Variants in TRRAP observed in about 807,000 individuals in gnomAD.
TRRAP encodes the protein transformation/transcription domain associated protein, also known as transformation/transcription domain-associated protein.
Under a neutral mutation model 438.8 loss-of-function variants are expected in TRRAP, and 41 were observed. That is an observed-to-expected ratio of 0.09 (90% CI 0.07 to 0.12). The LOEUF is 0.12. Among genes scored for constraint, TRRAP ranks in the 10% least tolerant of loss-of-function variants. TRRAP has a pLI of 1.00. For synonymous variants in TRRAP, 1,994 were observed against 1,962.9 expected, an observed-to-expected ratio of 1.02 and a Z score of -0.42; for missense variants, 3,122 against 5,055.1, an observed-to-expected ratio of 0.62 and a Z score of 11.60.
intron 30 of TRRAP, among the ~76,000 whole-genome samples, chr7:98,942,141 G>A (rs1446649013): frequency 6.6e-6 from 1 of 152,202 alleles, no homozygotes; most frequent in Non-Finnish European, 1.5e-5. Context: ...TGGCTACCAG[G>A]TGCCTGGGTT....
At chr7:98,980,406 T>C (rs950193625) in intron 58 of TRRAP, among the ~76,000 whole-genome samples, 1 of 152,182 alleles carries the variant, frequency 6.6e-6, no homozygotes, top group African/African-American at 2.4e-5. Context: ...TTTGAAAACT[T>C]TCATGAAAAA....
Position 98,949,534 on chromosome 7 carries a change from C to CCCAGCA in TRRAP, c.4916_4921dup (p.Ser1639_Thr1640dup), listed in dbSNP as rs782137438. 1.5e-5 allele frequency: 24 copies of CCCAGCA among 1,602,908 alleles called. No individual in the cohort carries two copies. The highest frequency in any genetic ancestry group is 1.7e-4 in the Middle Eastern group (1 of 6,026). ...CCAGACGGCTGTGCGCCCCGGTTCG[C>CCCAGCA]CCAGCACCAGCACCATGCGCCTGGA... On this transcript the variant is annotated inframe_insertion, in exon 36 of 73. Coordinates refer to ENST00000456197, the MANE Select transcript of TRRAP (RefSeq NM_001375524.1).
At position 98,976,321 on chromosome 7, in the gene TRRAP, T is replaced by G; in HGVS notation, c.7959+53T>G. The stretch of plus-strand genomic sequence containing the variant: ...GGAAAATTGTAGTTTTAGCTTTTGG[T>G]AAGTATTCATAAAAGAACACAGTCT... On this transcript the variant is annotated intron_variant, in intron 54 of 72. Coordinates refer to ENST00000456197, the MANE Select transcript of TRRAP (RefSeq NM_001375524.1). The surrounding 1 kb of genome is among the most constrained non-coding windows in gnomAD (Gnocchi z 4.6). 6.2e-7 allele frequency: 1 copy of G among 1,604,922 alleles called. No individual in the cohort carries two copies. The highest frequency in any genetic ancestry group is 8.5e-7 in the Non-Finnish European group (1 of 1,175,734).
In TRRAP at chr7:98,917,576, C is replaced by T. The variant is rs1789567583; in HGVS notation, c.2519C>T (p.Thr840Ile). The change falls in exon 20 of 73, where the codon ACA (threonine) becomes ATA (isoleucine). Residue 840 changes from threonine to isoleucine, a missense_variant. By Grantham distance (89) the Thr-to-Ile change is moderately conservative. Coordinates refer to ENST00000456197, the MANE Select transcript of TRRAP (RefSeq NM_001375524.1). ...GTGTCTGCACTCAATGGGTCTCAGACATTGGTCAGCCAAGGCCTCAGGACG... is the reference window on the plus strand; with the variant it reads ...GTGTCTGCACTCAATGGGTCTCAGATATTGGTCAGCCAAGGCCTCAGGACG... ...PLVSALNGSQTLVSQGLRTLE... is the reference protein window; with the variant it reads ...PLVSALNGSQILVSQGLRTLE... 1 of 1,614,100 alleles carries T rather than the reference C, an allele frequency of 6.2e-7. No individual in the cohort carries two copies. Among genetic ancestry groups the T allele is most frequent in the African/African-American group, 1.3e-5 (1 of 74,936 alleles).
chr7:98,970,049 G>C, intron 51 of TRRAP, 63 bp from the exon 52 acceptor site: 1 of 1,568,760 alleles, frequency 6.4e-7, no homozygotes, highest in Non-Finnish European at 8.7e-7. Flanking sequence ...TGGGAGAGAA[G>C]TCCAGATGCC....
chr7:98,927,420 G>T (rs1386466364), intron 23 of TRRAP, 54 bp downstream of exon 23: 7 of 1,577,034 alleles, frequency 4.4e-6, no homozygotes, highest in South Asian at 1.1e-5. Context: ...TTTTATAGGT[G>T]CTTTAAAAAC....
Position 98,993,531 on chromosome 7 carries a change from C to T in TRRAP, c.9848-7C>T, listed in dbSNP as rs1292973463. ...GCTGACACTGGCGTTGTGTGTGTTG[C>T]TCTCAGATTCTGGACAGCAGCAGCC... On this transcript the variant is annotated splice_region_variant and splice_polypyrimidine_tract_variant and intron_variant, in intron 65 of 72. Transcript: ENST00000456197. 3 of 1,608,398 alleles carry T rather than the reference C, an allele frequency of 1.9e-6. No individual in the cohort carries two copies. The highest frequency in any genetic ancestry group is 2.5e-6 in the Non-Finnish European group (3 of 1,179,992).
At chr7:98,966,899 A>C (rs148312971) in intron 49 of TRRAP, 142 bp from the exon 50 acceptor site, 1 of 777,340 alleles carries the variant, frequency 1.3e-6, no homozygotes, top group Non-Finnish European at 1.9e-6. Context: ...GATTTTAAGC[A>C]TCCAAAGATA....
intron 8 of TRRAP, among the ~76,000 whole-genome samples, chr7:98,898,196 C>CAT (rs1186919951): frequency 6.6e-6 from 1 of 152,190 alleles, no homozygotes; most frequent in Non-Finnish European, 1.5e-5. Context: ...TAGATAAAAG[C>CAT]ATATAGCTCA....
chr7:98,899,586 A>C, intron 9 of TRRAP, 87 bp downstream of exon 9: 1 of 1,603,834 alleles, frequency 6.2e-7, no homozygotes, highest in South Asian at 1.1e-5. Context: ...TATAATACAC[A>C]CATGCTAAAT....
chr7:98,997,122 A>G (rs10262051), intron 67 of TRRAP, among the ~76,000 whole-genome samples: 9,254 of 152,062 alleles, frequency 0.061, 927 homozygotes, highest in African/African-American at 0.21. Flanking sequence ...CCTGACCAAC[A>G]TGGTGAAACC....
intron 46 of TRRAP, among the ~76,000 whole-genome samples, chr7:98,962,038 T>A (rs1791915328): frequency 6.6e-6 from 1 of 152,256 alleles, no homozygotes; most frequent in Admixed American, 6.5e-5. Context: ...AGTATTCAAA[T>A]GTTGAACATT....
chr7:98,976,646 A>T lies in TRRAP; in HGVS notation c.8123A>T (p.Asn2708Ile). The T allele has an allele frequency of 3.1e-6, 5 of 1,613,934 alleles. No individual in the cohort carries two copies. The highest frequency in any genetic ancestry group is 4.2e-6 in the Non-Finnish European group (5 of 1,179,984). The change falls in exon 55 of 73, where the codon AAC (asparagine) becomes ATC (isoleucine). Residue 2708 changes from asparagine to isoleucine, a missense_variant. Asn to Ile is a moderately radical substitution (Grantham distance 149). Around this residue, in one of 24 missense-constraint regions of TRRAP, gnomAD observed 992 missense variants for 1,281.2 expected, o/e 0.77. Transcript: ENST00000456197. This position sits in a 1 kb window ranked among gnomAD's most constrained non-coding sequence, Gnocchi z 4.6. ...CTGAAGTACCTGGGGAAGACACACA[A>T]CCTCTGGTTCCGGTCCACGCTGATG... is the stretch of plus-strand genomic sequence containing the variant. ...CVLKYLGKTH[N>I]LWFRSTLMLE...
At chr7:98,895,392 C>G (rs560412083) in intron 6 of TRRAP, among the ~76,000 whole-genome samples, 76 of 152,258 alleles carry the variant, frequency 5.0e-4, no homozygotes, top group African/African-American at 1.8e-3. Flanking sequence ...TGTTAATGCT[C>G]CTGTGTTAAG....
chr7:98,948,463 T>C lies in TRRAP; in HGVS notation c.4669-103T>C. 1.2e-6 allele frequency: 2 copies of C among 1,610,118 alleles called. No homozygotes were observed. ...GACGTTCGATGTCAACATTTGCTTG[T>C]GGGTGTTCATGCACTCCAGTAACAA... On this transcript the variant is annotated intron_variant, in intron 34 of 72. Transcript: ENST00000456197. This position sits in a 1 kb window ranked among gnomAD's most constrained non-coding sequence, Gnocchi z 4.9.
intron 20 of TRRAP, among the ~76,000 whole-genome samples, chr7:98,918,711 G>A (rs1789643859): frequency 6.6e-6 from 1 of 152,084 alleles, no homozygotes; most frequent in African/African-American, 2.4e-5. Flanking sequence ...GGAAAAAGAA[G>A]CAGATAATAA....
Position 98,927,317 on chromosome 7 carries a change from C to G in TRRAP, c.3126C>G (p.Val1042=), listed in dbSNP as rs782142455. The change falls in exon 23 of 73, where the codon GTC becomes GTG. Residue 1042 remains valine (V), a synonymous_variant. Coordinates refer to ENST00000456197, the MANE Select transcript of TRRAP (RefSeq NM_001375524.1). The stretch of plus-strand genomic sequence containing the variant: ...TGCGGCCCAGCGCCCTGCCCTTTGT[C>G]GCCAGCTTGATCCGCCACTATACGA... ...KDLRPSALPF[V]ASLIRHYTMV... is the part of the protein sequence containing the mutation. 1.2e-6 allele frequency: 2 copies of G among 1,614,152 alleles called. No homozygotes were observed. Among genetic ancestry groups the G allele is most frequent in the Non-Finnish European group, 1.7e-6 (2 of 1,180,028 alleles).
chr7:98,943,834 T>G (rs1483449932), intron 31 of TRRAP, among the ~76,000 whole-genome samples: 7 of 152,232 alleles, frequency 4.6e-5, no homozygotes, highest in African/African-American at 1.7e-4. Flanking sequence ...TTCCTTATAG[T>G]TCTTCAGAGG....
chr7:98,981,939 C>T lies in TRRAP; in HGVS notation c.8805C>T (p.His2935=), dbSNP rs750279664. The T allele has an allele frequency of 6.9e-6, 11 of 1,602,694 alleles. No homozygotes were observed. The highest frequency in any genetic ancestry group is 4.0e-5 in the African/African-American group (3 of 74,494). ...EWRRLPHVVS[H]VHTPLLQAAQ... is the part of the protein sequence containing the mutation. ...GGCGGCTGCCCCACGTAGTGTCCCA[C>T]GTGCACACGCCTCTCCTACAGGTGC... Residue 2935 remains histidine (H), a synonymous_variant, in exon 59 of 73, where the codon CAC becomes CAT. Transcript: ENST00000456197.
Sources: allele counts gnomAD v4.1 joint callset (sites outside exome capture counted in the v4.1 genomes callset), GRCh38; gene constraint gnomAD v4.1.1; regional missense constraint gnomAD v4.1.1; non-coding constraint Gnocchi (gnomAD v3.1); transcripts MANE v1.5; gene names NCBI Gene and HGNC (gene_info 2026-07-23, HGNC 2026-07-21).